Variants in CNNM1 observed in about 807,000 individuals in gnomAD.
The protein encoded by CNNM1 is metal transporter CNNM1.
In CNNM1, 44 loss-of-function variants were observed where a neutral mutation model predicts 78.8. The observed-to-expected ratio is 0.56, with a 90% CI of 0.44 to 0.72. The LOEUF (loss-of-function observed/expected upper bound fraction) is 0.72. CNNM1 is among the 30% of genes least tolerant of loss of function. CNNM1 has a pLI of 0.00. For synonymous variants in CNNM1, 584 were observed against 581.5 expected (o/e 1.00, Z -0.06); for missense variants, 1,101 against 1,292.2 (o/e 0.85, Z 2.27).
At chr10:99,343,259 G>T (rs551351559) in intron 1 of CNNM1, among the ~76,000 whole-genome samples, 14 of 152,146 alleles carry the variant, frequency 9.2e-5, no homozygotes, top group African/African-American at 3.1e-4. Flanking sequence ...CACCGTGACC[G>T]CCCGGCATGT....
At chr10:99,344,933 G>T (rs2030623312) in intron 1 of CNNM1, among the ~76,000 whole-genome samples, 1 of 152,112 alleles carries the variant, frequency 6.6e-6, no homozygotes, top group African/African-American at 2.4e-5. Context: ...ATGCCTTCCT[G>T]CAGCCTCCAG....
At chr10:99,348,809 T>C (rs1027192583) in intron 1 of CNNM1, among the ~76,000 whole-genome samples, 1 of 152,194 alleles carries the variant, frequency 6.6e-6, no homozygotes, top group Admixed American at 6.5e-5. Flanking sequence ...CCCAGCACTT[T>C]GGGAGGCCAA....
At chr10:99,390,774 C>A (rs2032449531) in intron 10 of CNNM1, among the ~76,000 whole-genome samples, 1 of 152,236 alleles carries the variant, frequency 6.6e-6, no homozygotes, top group South Asian at 2.1e-4. Flanking sequence ...ATATGGCCCA[C>A]AGGCCTCTAA....
At chr10:99,351,380 C>T (rs921149977) in intron 1 of CNNM1, among the ~76,000 whole-genome samples, 6 of 152,164 alleles carry the variant, frequency 3.9e-5, no homozygotes, top group Non-Finnish European at 7.3e-5. Flanking sequence ...ACATATGCCA[C>T]TTTACCACAT....
chr10:99,340,876 T>TG (rs2030425383), intron 1 of CNNM1, among the ~76,000 whole-genome samples: 6 of 138,156 alleles, frequency 4.3e-5, no homozygotes. Context: ...CTTCCTTCCT[T>TG]CCTGCCTGCC....
chr10:99,392,364 C>T lies in CNNM1; in HGVS notation c.*848C>T, dbSNP rs993923608. Reference sequence around the variant, plus strand: ...AGTGCAAATCAAAGCAAAAAACAAACAAAACTTACATGGAAAAACTGTAAG... The same window carrying T: ...AGTGCAAATCAAAGCAAAAAACAAATAAAACTTACATGGAAAAACTGTAAG... On this transcript the variant is annotated 3_prime_UTR_variant, in exon 11 of 11. Transcript: ENST00000356713. 2 of 152,586 alleles carry T rather than the reference C, an allele frequency of 1.3e-5. No homozygotes were observed. Among genetic ancestry groups the T allele is most frequent in the Non-Finnish European group, 2.9e-5 (2 of 68,040 alleles). 9.5% of individuals were successfully genotyped at this position (152,586 alleles called of 1,614,324 possible).
intron 1 of CNNM1, among the ~76,000 whole-genome samples, chr10:99,346,840 G>A (rs2030716466): frequency 6.6e-6 from 1 of 151,556 alleles, no homozygotes; most frequent in African/African-American, 2.4e-5. Flanking sequence ...GAACTCCTGG[G>A]CTCAAGCAAT....
intron 1 of CNNM1, among the ~76,000 whole-genome samples, chr10:99,342,128 C>A (rs2030484684): frequency 6.6e-6 from 1 of 152,168 alleles, no homozygotes; most frequent in African/African-American, 2.4e-5. Context: ...TAAGTGAATA[C>A]CATGTTGAGA....
rs555936903 is a variant in CNNM1, at chr10:99,385,893, C to G, written c.2341-1927C>G. Among the ~76,000 whole-genome samples, 3 of 152,238 alleles carry G rather than the reference C, an allele frequency of 2.0e-5. No homozygotes were observed. The East Asian group carries it at 5.8e-4, about 29-fold the overall frequency. ...AGCCAAATCTAAATAACTAAAGAAC[C>G]CAAACAGAGTAAGATCAACTGCTTT... is the stretch of plus-strand genomic sequence containing the variant. On this transcript the variant is annotated intron_variant, in intron 7 of 10. Transcript: ENST00000356713.
At chr10:99,364,565 A>G in intron 5 of CNNM1, 49 bp downstream of exon 5, 1 of 1,463,398 alleles carries the variant, frequency 6.8e-7, no homozygotes, top group Non-Finnish European at 9.4e-7. Flanking sequence ...GATATGGTAG[A>G]AAAAGCACAG....
chr10:99,341,114 TAA>T (rs2030441273), intron 1 of CNNM1, among the ~76,000 whole-genome samples: 1 of 152,080 alleles, frequency 6.6e-6, no homozygotes, highest in Admixed American at 6.6e-5. Flanking sequence ...GTCTTATAGG[TAA>T]AGAGACTCTC....
chr10:99,332,957 G>A lies in CNNM1; in HGVS notation c.1573+1997G>A, dbSNP rs187873859. The stretch of plus-strand genomic sequence containing the variant: ...CTTACAGAAGTAGGGTCTTAGATCT[G>A]GGCATTGGGTGGCATAAACCACAGA... On this transcript the variant is annotated intron_variant, in intron 1 of 10. Transcript: ENST00000356713. 1.1e-4 allele frequency among the ~76,000 whole-genome samples: 17 copies of A among 152,294 alleles called. No individual in the cohort carries two copies. The East Asian group carries it at 3.3e-3, about 29-fold the overall frequency.
At chr10:99,347,872 A>G (rs918208363) in intron 1 of CNNM1, among the ~76,000 whole-genome samples, 8 of 151,408 alleles carry the variant, frequency 5.3e-5, no homozygotes, top group African/African-American at 1.7e-4. Flanking sequence ...TCAGGGCTTT[A>G]TTGAAACATC....
chr10:99,337,704 C>T (rs1325708079), intron 1 of CNNM1, among the ~76,000 whole-genome samples: 1 of 152,206 alleles, frequency 6.6e-6, no homozygotes, highest in Non-Finnish European at 1.5e-5. Flanking sequence ...TGAGCATCTC[C>T]AGGGCAAAAC....
intron 6 of CNNM1, among the ~76,000 whole-genome samples, chr10:99,371,188 C>T (rs1237990386): frequency 6.6e-6 from 1 of 152,212 alleles, no homozygotes; most frequent in Non-Finnish European, 1.5e-5. Flanking sequence ...CTAGGGGTCT[C>T]TGCACCAAAT....
At chr10:99,357,463 T>A (rs754810113) in intron 1 of CNNM1, 49 bp from the exon 2 acceptor site, 1 of 1,570,444 alleles carries the variant, frequency 6.4e-7, no homozygotes, top group South Asian at 1.2e-5. Flanking sequence ...CAAAAAAAGA[T>A]CTCTGAAAAT....
chr10:99,393,241 C>T lies in CNNM1; in HGVS notation c.*1725C>T, dbSNP rs1301103075. 4.1e-4 allele frequency: 62 copies of T among 152,528 alleles called. No individual in the cohort carries two copies. The highest frequency in any genetic ancestry group is 5.9e-5 in the Non-Finnish European group (4 of 68,042). The allele number at this position is 152,528 out of a possible 1,614,324, so 9.4% of individuals were successfully genotyped here. ...AAACCCTCCCTCCCACCTCCCCACA[C>T]CCATTGAGTCATTCACAGGCAGGAG... On this transcript the variant is annotated 3_prime_UTR_variant, in exon 11 of 11. Coordinates refer to ENST00000356713, the MANE Select transcript of CNNM1 (RefSeq NM_020348.3).
At position 99,332,001 on chromosome 10, in the gene CNNM1, G is replaced by C. The variant is rs548082245; in HGVS notation, c.1573+1041G>C. 1.7e-3 allele frequency among the ~76,000 whole-genome samples: 266 copies of C among 152,188 alleles called. 1 individual carries two copies. The highest frequency in any genetic ancestry group is 5.1e-3 in the African/African-American group (210 of 41,506). The stretch of plus-strand genomic sequence containing the variant: ...AGTTTGTCTTCAGAAAGTGCCTTCT[G>C]GTGACTACAAATTCACTCAAGAAAA... On this transcript the variant is annotated intron_variant, in intron 1 of 10. Coordinates refer to ENST00000356713, the MANE Select transcript of CNNM1 (RefSeq NM_020348.3).
At position 99,347,576 on chromosome 10, in the gene CNNM1, A is replaced by AACACACACAC. The variant is rs57477706; in HGVS notation, c.1574-9922_1574-9913dup. ...AAGTCAGATCATGTCACCTTTTTGC[A>AACACACACAC]ACACACACACACACACACACACAAA... On this transcript the variant is annotated intron_variant, in intron 1 of 10. Coordinates refer to ENST00000356713, the MANE Select transcript of CNNM1 (RefSeq NM_020348.3). Among the ~76,000 whole-genome samples the AACACACACAC allele has an allele frequency of 9.2e-3, 1,299 of 140,888 alleles. 36 individuals are homozygous for AACACACACAC. Among genetic ancestry groups the AACACACACAC allele is most frequent in the African/African-American group, 0.03 (1,138 of 38,042 alleles). The allele number at this position is 140,888 out of a possible 152,430, so 92.4% of individuals were successfully genotyped here.
Sources: gnomAD v4.1 joint callset for allele counts (sites outside exome capture counted in the v4.1 genomes callset) on GRCh38, gnomAD v4.1.1 for gene constraint, MANE v1.5 for transcripts, NCBI Gene and HGNC (gene_info 2026-07-23, HGNC 2026-07-21) for gene names.